ABI2: variants seen among roughly 807,000 people sequenced by gnomAD.
ABI2 encodes the protein abelson interactor 2.
In ABI2, 25 loss-of-function variants were observed where a neutral mutation model predicts 59.2. The ratio of observed to expected loss-of-function variants is 0.42; its 90% CI spans 0.31 to 0.59. ABI2 has a LOEUF of 0.59. Ranked by LOEUF, ABI2 falls within the 20% of genes least tolerant of loss-of-function variation. ABI2 has a pLI of 0.14. For missense variants in ABI2, 545 were observed against 681.8 expected (o/e 0.80, Z 2.23); for synonymous variants, 213 against 235.5 (o/e 0.90, Z 0.87).
At chr2:203,352,267 G>GTGA (rs1426227350) in intron 1 of ABI2, among the ~76,000 whole-genome samples, 1 of 152,122 alleles carries the variant, frequency 6.6e-6, no homozygotes, top group East Asian at 1.9e-4. Flanking sequence ...CAAGGTTACA[G>GTGA]TGATAATAAT....
chr2:203,351,157 A>G (rs1410414153), intron 1 of ABI2, among the ~76,000 whole-genome samples: 1 of 152,200 alleles, frequency 6.6e-6, no homozygotes, highest in Non-Finnish European at 1.5e-5. Flanking sequence ...AAAATTACCC[A>G]TAAATGTGCA....
chr2:203,399,209 G>GACAAGC (rs2097125045), intron 8 of ABI2, among the ~76,000 whole-genome samples: 3 of 152,120 alleles, frequency 2.0e-5, no homozygotes, highest in Admixed American at 1.3e-4. Flanking sequence ...CCTTGGTGTT[G>GACAAGC]CCTTTTTTAG....
intron 1 of ABI2, chr2:203,328,901 G>C: frequency 3.5e-6 from 1 of 284,818 alleles, no homozygotes; most frequent in Non-Finnish European, 6.5e-6. Flanking sequence ...GCCCTCGGCC[G>C]CCCCCGCACT....
chr2:203,368,984 A>AATTT lies in ABI2; in HGVS notation c.285+1940_285+1941insATTT, dbSNP rs1312712237. ...TACAGGCACGTGCCATGCTTGGCTG[A>AATTT]TTTTTTTTTTTTTTTTTTTTTTTTT... On this transcript the variant is annotated intron_variant, in intron 2 of 11. Transcript: ENST00000261018. Among the ~76,000 whole-genome samples the AATTT allele has an allele frequency of 3.8e-4, 35 of 91,082 alleles. 11 individuals are homozygous for AATTT. The highest frequency in any genetic ancestry group is 4.5e-4 in the African/African-American group (10 of 22,464). The allele number at this position is 91,082 out of a possible 152,430, so 59.8% of individuals were successfully genotyped here.
intron 4 of ABI2, among the ~76,000 whole-genome samples, chr2:203,385,765 C>T (rs924200265): frequency 1.3e-5 from 2 of 152,120 alleles, no homozygotes; most frequent in African/African-American, 4.8e-5. Flanking sequence ...AACCTTAAGC[C>T]ATCAATTCTG....
chr2:203,334,523 TA>T lies in ABI2; in HGVS notation c.117+5893del, dbSNP rs531286130. Among the ~76,000 whole-genome samples the T allele has an allele frequency of 9.2e-5, 14 of 152,200 alleles. No homozygotes were observed. The South Asian group carries it at 2.9e-3, about 32-fold the overall frequency. ...GTGGATGAATATGCTGTGATTTGCT[TA>T]CACCCACCCCAAATCCATTTTGCAG... is the stretch of plus-strand genomic sequence containing the variant. On this transcript the variant is annotated intron_variant, in intron 1 of 11. Transcript: ENST00000261018.
chr2:203,333,613 A>G (rs1352342603), intron 1 of ABI2, among the ~76,000 whole-genome samples: 2 of 152,228 alleles, frequency 1.3e-5, no homozygotes, highest in African/African-American at 2.4e-5. Flanking sequence ...ACCATTCCTC[A>G]AGAAATTAGT....
intron 1 of ABI2, among the ~76,000 whole-genome samples, chr2:203,347,562 A>G (rs891226222): frequency 3.3e-5 from 5 of 152,210 alleles, no homozygotes; most frequent in African/African-American, 1.2e-4. Context: ...ATCAATCTCC[A>G]CCATGTGCCA....
At chr2:203,349,399 A>G (rs1406656078) in intron 1 of ABI2, among the ~76,000 whole-genome samples, 1 of 151,598 alleles carries the variant, frequency 6.6e-6, no homozygotes, top group Non-Finnish European at 1.5e-5. Context: ...CATGTTTTCC[A>G]GTGATATCCT....
intron 1 of ABI2, among the ~76,000 whole-genome samples, chr2:203,356,583 T>G (rs988977329): frequency 6.6e-6 from 1 of 152,134 alleles, no homozygotes; most frequent in Admixed American, 6.5e-5. Flanking sequence ...TTACCCAGGC[T>G]GGTCTCGAAC....
At chr2:203,369,581 CAATT>C (rs1220644886) in intron 2 of ABI2, among the ~76,000 whole-genome samples, 1 of 152,108 alleles carries the variant, frequency 6.6e-6, no homozygotes, top group Non-Finnish European at 1.5e-5. Context: ...TTAATGTGGT[CAATT>C]AATGCTGTCT....
intron 1 of ABI2, 104 bp downstream of exon 1, chr2:203,328,735 G>A (rs13034859): frequency 1.6e-6 from 1 of 624,936 alleles, no homozygotes; most frequent in Non-Finnish European, 2.6e-6. Context: ...GCCCAGCGGA[G>A]CCCCCGATGG....
chr2:203,423,376 A>G (rs1391101696), intron 11 of ABI2, among the ~76,000 whole-genome samples: 1 of 152,198 alleles, frequency 6.6e-6, no homozygotes, highest in Non-Finnish European at 1.5e-5. Context: ...TTTTATGTTT[A>G]GATTGCTCCT....
intron 1 of ABI2, among the ~76,000 whole-genome samples, chr2:203,335,650 C>T (rs1271078407): frequency 6.6e-6 from 1 of 152,108 alleles, no homozygotes; most frequent in African/African-American, 2.4e-5. Flanking sequence ...CATTTATGTT[C>T]TGTAAAGTTT....
chr2:203,390,042 A>G (rs2096680157), intron 4 of ABI2, among the ~76,000 whole-genome samples: 1 of 152,158 alleles, frequency 6.6e-6, no homozygotes, highest in African/African-American at 2.4e-5. Flanking sequence ...GAACTAGGAC[A>G]TTGCCTGTGG....
At chr2:203,416,342 C>T (rs542245204) in intron 10 of ABI2, among the ~76,000 whole-genome samples, 16 of 151,930 alleles carry the variant, frequency 1.1e-4, no homozygotes, top group Non-Finnish European at 1.5e-4. Context: ...GCCCTATGGC[C>T]CAGGCTGGAG....
chr2:203,354,490 G>A (rs555591834), intron 1 of ABI2, among the ~76,000 whole-genome samples: 1 of 152,186 alleles, frequency 6.6e-6, no homozygotes, highest in East Asian at 1.9e-4. Context: ...AAACATATCA[G>A]TAAACTACCA....
At chr2:203,344,845 C>G (rs1208831679) in intron 1 of ABI2, among the ~76,000 whole-genome samples, 2 of 152,114 alleles carry the variant, frequency 1.3e-5, no homozygotes, top group Admixed American at 1.3e-4. Flanking sequence ...AAAAACGCAC[C>G]AGTCAGCGCT....
intron 1 of ABI2, chr2:203,342,064 T>C: frequency 2.8e-6 from 1 of 361,606 alleles, no homozygotes; most frequent in East Asian, 7.5e-5. Flanking sequence ...AGAGGAATTA[T>C]GTTCATTTTT....
Sources: allele counts gnomAD v4.1 joint callset (sites outside exome capture counted in the v4.1 genomes callset), GRCh38; gene constraint gnomAD v4.1.1; transcripts MANE v1.5; gene names NCBI Gene and HGNC (gene_info 2026-07-23, HGNC 2026-07-21).